The following TBC1D14 variants were observed in gnomAD, a reference collection of about 807,000 sequenced individuals.
TBC1D14 encodes TBC1 domain family, member 14.
In TBC1D14, 26 loss-of-function variants were observed where a neutral mutation model predicts 79.0. The observed-to-expected ratio is 0.33, with a 90% CI of 0.24 to 0.46. The LOEUF (loss-of-function observed/expected upper bound fraction) is 0.46, where lower values mean the gene tolerates loss of function less well. TBC1D14 is among the 20% of genes least tolerant of loss of function. The pLI is 1.00. For missense variants in TBC1D14, 769 were observed against 887.6 expected (o/e 0.87, Z 1.70); for synonymous variants, 394 against 349.9 (o/e 1.13, Z -1.40).
At chr4:6,978,336 G>A (rs1295866748) in intron 3 of TBC1D14, among the ~76,000 whole-genome samples, 1 of 148,088 alleles carries the variant, frequency 6.8e-6, no homozygotes, top group Non-Finnish European at 1.5e-5. Flanking sequence ...AAATCGGATG[G>A]TTGCTGTGTC....
At chr4:6,910,462 C>A (rs1326895591) in intron 1 of TBC1D14, 1 of 152,412 alleles carries the variant, frequency 6.6e-6, no homozygotes, top group African/African-American at 2.4e-5. Flanking sequence ...GAGCCCTGAC[C>A]TCCTTGGACC....
At chr4:7,025,524 A>C (rs762389031) in intron 13 of TBC1D14, among the ~76,000 whole-genome samples, 1 of 152,228 alleles carries the variant, frequency 6.6e-6, no homozygotes, top group Non-Finnish European at 1.5e-5. Context: ...TGGGAGGGTC[A>C]GCACTTGTAT....
intron 2 of TBC1D14, among the ~76,000 whole-genome samples, chr4:6,939,942 AG>A (rs1431361971): frequency 1.3e-5 from 2 of 151,922 alleles, no homozygotes; most frequent in African/African-American, 4.8e-5. Context: ...CTTGCTTTTC[AG>A]GCGTCACGAC....
intron 13 of TBC1D14, among the ~76,000 whole-genome samples, chr4:7,028,517 C>T (rs1722701220): frequency 6.6e-6 from 1 of 151,856 alleles, no homozygotes; most frequent in Non-Finnish European, 1.5e-5. Flanking sequence ...ACCTCTGCCT[C>T]CCGGGTTCAA....
intron 12 of TBC1D14, among the ~76,000 whole-genome samples, chr4:7,022,332 CA>C (rs1367160591): frequency 6.6e-6 from 1 of 152,206 alleles, no homozygotes; most frequent in Non-Finnish European, 1.5e-5. Flanking sequence ...CTGCAAGGCC[CA>C]AAAGATGCAG....
At chr4:6,962,369 G>T (rs754736951) in intron 2 of TBC1D14, among the ~76,000 whole-genome samples, 2 of 152,142 alleles carry the variant, frequency 1.3e-5, no homozygotes, top group Non-Finnish European at 2.9e-5. Flanking sequence ...GGCACCTACA[G>T]ATATCGATTG....
chr4:6,978,038 C>T (rs1357344626), intron 3 of TBC1D14, among the ~76,000 whole-genome samples: 11 of 149,390 alleles, frequency 7.4e-5, no homozygotes, highest in East Asian at 2.0e-4. Flanking sequence ...GGAGCGACTC[C>T]GCCCGGCAGC....
At chr4:6,944,108 T>C (rs1713193197) in intron 2 of TBC1D14, among the ~76,000 whole-genome samples, 1 of 152,210 alleles carries the variant, frequency 6.6e-6, no homozygotes, top group South Asian at 2.1e-4. Flanking sequence ...TGTTTAAAAA[T>C]GCGCAGGAAA....
At chr4:6,958,376 T>TACACACACACAC (rs60999179) in intron 2 of TBC1D14, among the ~76,000 whole-genome samples, 1,999 of 149,196 alleles carry the variant, frequency 0.013, 28 homozygotes, top group African/African-American at 0.032. Flanking sequence ...TCCCCACATA[T>TACACACACACAC]ACACACACAC....
rs111813186 is a variant in TBC1D14 at position 6,967,468 on chromosome 4, T to C, written c.843+44T>C. ...CACAGAAATAGGCTGTTGGATGTGTTTAGCATATATTCATGAACCTTGCAA... is the reference window on the plus strand; with the variant it reads ...CACAGAAATAGGCTGTTGGATGTGTCTAGCATATATTCATGAACCTTGCAA... On this transcript the variant is annotated intron_variant, in intron 3 of 13. Transcript: ENST00000409757. The C allele has an allele frequency of 1.5e-3, 2,372 of 1,598,518 alleles. 33 individuals carry two copies. In the African/African-American group the frequency reaches 0.029, roughly 19 times the overall value.
intron 3 of TBC1D14, among the ~76,000 whole-genome samples, chr4:6,990,100 C>T (rs1310073631): frequency 2.0e-5 from 3 of 152,288 alleles, no homozygotes; most frequent in East Asian, 3.9e-4. Context: ...TTTAAAAATG[C>T]TGTTGTGACC....
At chr4:6,998,891 C>T in intron 5 of TBC1D14, 194 bp from the exon 6 acceptor site, 2 of 569,222 alleles carry the variant, frequency 3.5e-6, no homozygotes, top group Admixed American at 6.1e-5. Flanking sequence ...TTAGACTTTG[C>T]AAGCTTACTA....
intron 2 of TBC1D14, among the ~76,000 whole-genome samples, chr4:6,956,764 G>A (rs937266097): frequency 6.6e-6 from 1 of 152,240 alleles, no homozygotes; most frequent in Non-Finnish European, 1.5e-5. Context: ...TGGCTTTCTA[G>A]ATGCAGACCT....
chr4:7,029,411 T>C (rs768854081), intron 13 of TBC1D14, among the ~76,000 whole-genome samples: 5 of 152,252 alleles, frequency 3.3e-5, no homozygotes, highest in Admixed American at 6.5e-5. Flanking sequence ...GTTGGGGCAT[T>C]AGCCTTCCAG....
intron 13 of TBC1D14, among the ~76,000 whole-genome samples, chr4:7,028,488 G>A (rs1328977233): frequency 5.9e-5 from 9 of 151,394 alleles, no homozygotes; most frequent in African/African-American, 9.7e-5. Context: ...GTGCAGTGGC[G>A]CAATCTTGGC....
chr4:6,987,957 G>C (rs1056997222), intron 3 of TBC1D14, among the ~76,000 whole-genome samples: 1 of 152,214 alleles, frequency 6.6e-6, no homozygotes, highest in Non-Finnish European at 1.5e-5. Flanking sequence ...CTTAGAGAAC[G>C]CTTTCCAGGA....
At chr4:6,955,598 A>G (rs143502792) in intron 2 of TBC1D14, among the ~76,000 whole-genome samples, 2 of 152,314 alleles carry the variant, frequency 1.3e-5, no homozygotes, top group Non-Finnish European at 2.9e-5. Context: ...TTGCTTTGGA[A>G]TCGGAAGTTG....
In TBC1D14 at chr4:7,011,086, A is replaced by T. The variant is rs139990181; in HGVS notation, c.1647+305A>T. ...AGTGTGGCTCCTGCTTAAACTTAACACACACTTGGTGTCAAAGTCACAGCT... is the reference window on the plus strand; with the variant it reads ...AGTGTGGCTCCTGCTTAAACTTAACTCACACTTGGTGTCAAAGTCACAGCT... On this transcript the variant is annotated intron_variant, in intron 11 of 13. Coordinates refer to ENST00000409757, the MANE Select transcript of TBC1D14 (RefSeq NM_020773.3). 1.2e-3 allele frequency among the ~76,000 whole-genome samples: 185 copies of T among 152,276 alleles called. 1 individual carries two copies. Among genetic ancestry groups the T allele is most frequent in the African/African-American group, 4.3e-3 (177 of 41,562 alleles).
Position 6,998,534 on chromosome 4 carries a change from CT to C in TBC1D14, c.1046-544del, listed in dbSNP as rs542920941. Among the ~76,000 whole-genome samples the C allele has an allele frequency of 3.6e-3, 540 of 150,048 alleles. 3 individuals are homozygous for C. The highest frequency in any genetic ancestry group is 0.012 in the African/African-American group (493 of 39,978). On this transcript the variant is annotated intron_variant, in intron 5 of 13. Coordinates refer to ENST00000409757, the MANE Select transcript of TBC1D14 (RefSeq NM_020773.3). Reference sequence around the variant, plus strand: ...TCTATTTTGTGGTAACAATTGTGTTCTTTTTTTCTTTCTTTTTTTTTTGAGG... The same window carrying C: ...TCTATTTTGTGGTAACAATTGTGTTCTTTTTTCTTTCTTTTTTTTTTGAGG...
Sources: allele counts gnomAD v4.1 joint callset (sites outside exome capture counted in the v4.1 genomes callset), GRCh38; gene constraint gnomAD v4.1.1; transcripts MANE v1.5; gene names NCBI Gene and HGNC (gene_info 2026-07-23, HGNC 2026-07-21).